KHDRBS2: variants seen among roughly 807,000 people sequenced by gnomAD.
KHDRBS2 encodes the protein KH RNA binding domain containing, signal transduction associated 2, also known as KH domain-containing, RNA-binding, signal transduction-associated protein 2.
Under a neutral mutation model 44.3 loss-of-function variants are expected in KHDRBS2, and 26 were observed. That is an observed-to-expected ratio of 0.59 (90% CI 0.43 to 0.81). The LOEUF (loss-of-function observed/expected upper bound fraction) is 0.81. Ranked by LOEUF, KHDRBS2 falls within the 40% of genes least tolerant of loss-of-function variation. KHDRBS2 has a pLI of 0.00. For synonymous variants in KHDRBS2, 194 were observed against 151.1 expected, an observed-to-expected ratio of 1.28 and a Z score of -2.08; for missense variants, 476 against 433.1, an observed-to-expected ratio of 1.10 and a Z score of -0.88.
intron 2 of KHDRBS2, among the ~76,000 whole-genome samples, chr6:62,086,550 C>T (rs1798415661): frequency 6.6e-6 from 1 of 152,038 alleles, no homozygotes; most frequent in African/African-American, 2.4e-5. Flanking sequence ...ACAAACTGAG[C>T]AACTGGATAG....
At chr6:61,869,061 T>G (rs1798214972) in intron 6 of KHDRBS2, among the ~76,000 whole-genome samples, 1 of 152,148 alleles carries the variant, frequency 6.6e-6, no homozygotes, top group Non-Finnish European at 1.5e-5. Context: ...ATTCATTCAC[T>G]GCTTCCCTTG....
At chr6:62,130,829 A>G (rs1037910055) in intron 2 of KHDRBS2, among the ~76,000 whole-genome samples, 2 of 152,020 alleles carry the variant, frequency 1.3e-5, no homozygotes, top group Non-Finnish European at 2.9e-5. Flanking sequence ...CAAATATCTC[A>G]TGCAATGTAT....
the KHDRBS2 span, among the ~76,000 whole-genome samples, chr6:61,583,009 G>A: frequency 6.6e-6 from 1 of 151,704 alleles, no homozygotes; most frequent in African/African-American, 2.4e-5. Context: ...AACTTCCTAT[G>A]TTTTTGATCT....
chr6:62,225,997 T>C (rs1831739474), intron 1 of KHDRBS2, among the ~76,000 whole-genome samples: 1 of 152,254 alleles, frequency 6.6e-6, no homozygotes, highest in South Asian at 2.1e-4. Flanking sequence ...GCAATAAACA[T>C]ACATGTGCAT....
the KHDRBS2 span, among the ~76,000 whole-genome samples, chr6:61,618,140 G>T: frequency 6.6e-6 from 1 of 152,080 alleles, no homozygotes; most frequent in Admixed American, 6.6e-5. Flanking sequence ...ACTTTTGAAG[G>T]CAAATCAGTC....
chr6:61,867,539 T>C (rs531304385), intron 6 of KHDRBS2, among the ~76,000 whole-genome samples: 3 of 152,254 alleles, frequency 2.0e-5, no homozygotes, highest in African/African-American at 7.2e-5. Flanking sequence ...ACTATGACTT[T>C]TTGAGTTTTC....
the KHDRBS2 span, among the ~76,000 whole-genome samples, chr6:61,552,311 C>A: frequency 6.6e-6 from 1 of 151,906 alleles, no homozygotes. Flanking sequence ...TGGCTGCCAA[C>A]TTGGATGCTG....
At chr6:62,095,690 T>C (rs556071018) in intron 2 of KHDRBS2, among the ~76,000 whole-genome samples, 2 of 152,026 alleles carry the variant, frequency 1.3e-5, no homozygotes, top group African/African-American at 4.8e-5. Context: ...TTCTCATTTC[T>C]AATTTGTATA....
At chr6:62,015,097 T>A (rs894186080) in intron 3 of KHDRBS2, among the ~76,000 whole-genome samples, 11 of 152,126 alleles carry the variant, frequency 7.2e-5, no homozygotes, top group Non-Finnish European at 1.2e-4. Context: ...AAGGGACACA[T>A]TGAAAAGTAA....
intron 6 of KHDRBS2, among the ~76,000 whole-genome samples, chr6:61,819,839 G>A (rs574079395): frequency 2.2e-4 from 33 of 152,068 alleles, no homozygotes; most frequent in Admixed American, 1.2e-3. Flanking sequence ...CAACTGATAA[G>A]AATAAAATGG....
intron 7 of KHDRBS2, among the ~76,000 whole-genome samples, chr6:61,723,003 G>C (rs1341384381): frequency 6.6e-6 from 1 of 152,026 alleles, no homozygotes; most frequent in Non-Finnish European, 1.5e-5. Flanking sequence ...GCTGCGGCGA[G>C]GAAGAAGCAG....
intron 4 of KHDRBS2, among the ~76,000 whole-genome samples, chr6:61,914,065 T>C (rs1806533484): frequency 6.6e-6 from 1 of 152,028 alleles, no homozygotes; most frequent in Non-Finnish European, 1.5e-5. Context: ...GTATTCTGGC[T>C]GCCATGACAC....
chr6:61,732,690 T>C lies in KHDRBS2; in HGVS notation c.885A>G (p.Gln295=), dbSNP rs769780776. ...GATAGCAAATGCCTTACCTTTGTGT[T>C]TGGGTCGCATAGCTGTTATCATAAG... ...YETYDNSYAT[Q]TQSVPEYYDY... Residue 295 remains glutamine, a synonymous_variant, in exon 7 of 9, where the codon CAA becomes CAG. Coordinates refer to ENST00000281156, the MANE Select transcript of KHDRBS2 (RefSeq NM_152688.4). 6.2e-7 allele frequency: 1 copy of C among 1,602,140 alleles called. No individual in the cohort carries two copies. The highest frequency in any genetic ancestry group is 1.7e-5 in the Admixed American group (1 of 59,956).
At chr6:61,870,842 C>T (rs1798558113) in intron 6 of KHDRBS2, among the ~76,000 whole-genome samples, 1 of 152,016 alleles carries the variant, frequency 6.6e-6, no homozygotes, top group East Asian at 1.9e-4. Context: ...CTCAGAGACC[C>T]CAACCAAAAG....
chr6:62,077,828 T>A (rs1796637359), intron 2 of KHDRBS2, among the ~76,000 whole-genome samples: 2 of 151,976 alleles, frequency 1.3e-5, no homozygotes, highest in African/African-American at 4.8e-5. Flanking sequence ...GATAAATGAA[T>A]AAGAAAGCTA....
intron 4 of KHDRBS2, among the ~76,000 whole-genome samples, chr6:61,977,109 T>C (rs1772833739): frequency 6.6e-6 from 1 of 152,164 alleles, no homozygotes; most frequent in African/African-American, 2.4e-5. Context: ...TATTTTTCTT[T>C]TCCCATTCTT....
chr6:62,221,874 A>G (rs78701947), intron 1 of KHDRBS2, among the ~76,000 whole-genome samples: 2,081 of 152,280 alleles, frequency 0.014, 33 homozygotes, highest in Non-Finnish European at 0.016. Flanking sequence ...CAAATTTTAA[A>G]AAACTGACCC....
the KHDRBS2 span, among the ~76,000 whole-genome samples, chr6:61,542,947 G>C: frequency 6.6e-6 from 1 of 151,890 alleles, no homozygotes; most frequent in Non-Finnish European, 1.5e-5. Context: ...CAGTTAAATA[G>C]CAATTATTCT....
chr6:61,638,709 T>C, the KHDRBS2 span, among the ~76,000 whole-genome samples: 2 of 152,164 alleles, frequency 1.3e-5, no homozygotes, highest in African/African-American at 4.8e-5. Context: ...ATTAGCATTA[T>C]TCTGGTAAAG....
Sources: allele counts gnomAD v4.1 joint callset (sites outside exome capture counted in the v4.1 genomes callset), GRCh38; gene constraint gnomAD v4.1.1; transcripts MANE v1.5; gene names NCBI Gene and HGNC (gene_info 2026-07-23, HGNC 2026-07-21).